Variants in TTC21B observed in about 807,000 individuals in gnomAD.
TTC21B encodes the protein tetratricopeptide repeat protein 21B.
A neutral mutation model predicts 175.1 loss-of-function variants in TTC21B; 127 were observed. That is an observed-to-expected ratio of 0.73 (90% confidence interval 0.63 to 0.84). TTC21B has a LOEUF of 0.84. Among genes scored for constraint, TTC21B ranks in the 40% least tolerant of loss-of-function variants. The pLI is 0.00. For synonymous variants in TTC21B, 524 were observed against 524.5 expected (o/e 1.00, Z 0.01); for missense variants, 1,561 against 1,558.3 (o/e 1.00, Z -0.03).
rs1449429300 is a variant in TTC21B at position 165,888,142 on chromosome 2, C to T, written c.3459+137G>A. 4 of 686,340 alleles carry T rather than the reference C, an allele frequency of 5.8e-6. No individual in the cohort carries two copies. The East Asian group carries it at 1.1e-4, about 19-fold the overall frequency. The allele number at this position is 686,340 out of a possible 1,614,324, so 42.5% of individuals were successfully genotyped here. On this transcript the variant is annotated intron_variant, in intron 25 of 28. Coordinates refer to ENST00000243344, the MANE Select transcript of TTC21B (RefSeq NM_024753.5). ...CGCCAAGAAGGGGACATTGTGTATG[C>T]CCAACTATATACCTAATTTTTAATA...
chr2:165,878,420 G>C (rs1027991191), intron 27 of TTC21B, among the ~76,000 whole-genome samples: 2 of 152,102 alleles, frequency 1.3e-5, no homozygotes, highest in Non-Finnish European at 2.9e-5. Flanking sequence ...TAGGTATGAA[G>C]GGTGAAACAT....
intron 18 of TTC21B, 150 bp from the exon 19 acceptor site, chr2:165,907,934 T>C: frequency 1.7e-6 from 1 of 573,566 alleles, no homozygotes. Context: ...GCCTGAAGAA[T>C]GGCCAAATTA....
intron 11 of TTC21B, among the ~76,000 whole-genome samples, chr2:165,927,458 A>G (rs1686722434): frequency 1.4e-5 from 2 of 147,254 alleles, no homozygotes; most frequent in Non-Finnish European, 3.0e-5. Flanking sequence ...CCATCACCCA[A>G]CCATGCTCTA....
At position 165,929,144 on chromosome 2, in the gene TTC21B, A is replaced by G; in HGVS notation, c.1377T>C (p.Cys459=). ...TCCCATAATTACTTACCTGCATTGG[A>G]CAGAAGCTCAGATACTCCATAACAA... ...LEIVMEYLSF[C]PMQPASPGQP... is the part of the protein sequence containing the mutation. Residue 459 remains cysteine, a synonymous_variant, in exon 11 of 29, where the codon TGT becomes TGC. Transcript: ENST00000243344. 1 of 1,612,688 alleles carries G rather than the reference A, an allele frequency of 6.2e-7. No homozygotes were observed. Among genetic ancestry groups the G allele is most frequent in the Non-Finnish European group, 8.5e-7 (1 of 1,179,072 alleles).
chr2:165,938,956 A>G (rs1687266735), intron 6 of TTC21B, among the ~76,000 whole-genome samples: 1 of 152,178 alleles, frequency 6.6e-6, no homozygotes, highest in South Asian at 2.1e-4. Context: ...GCTATTTTTA[A>G]TTTTTTATAT....
At chr2:165,935,123 G>T (rs562321820) in intron 6 of TTC21B, among the ~76,000 whole-genome samples, 1 of 152,304 alleles carries the variant, frequency 6.6e-6, no homozygotes, top group Non-Finnish European at 1.5e-5. Context: ...AGGACTGCAA[G>T]ATGGAAAGCG....
chr2:165,898,768 C>G lies in TTC21B; in HGVS notation c.2869-1G>C. The G allele has an allele frequency of 6.2e-7, 1 of 1,605,528 alleles. No homozygotes were observed. The highest frequency in any genetic ancestry group is 1.1e-5 in the South Asian group (1 of 90,928). Reference sequence around the variant, plus strand: ...TTCTGAACATGAGATCAGCCATCATCTATAAAGATAAAAGTTGGTTCTAAA... The same window carrying G: ...TTCTGAACATGAGATCAGCCATCATGTATAAAGATAAAAGTTGGTTCTAAA... On this transcript the variant is annotated splice_acceptor_variant, in intron 21 of 28. Transcript: ENST00000243344. LOFTEE classifies it high-confidence loss of function.
intron 7 of TTC21B, among the ~76,000 whole-genome samples, 190 bp from the exon 8 acceptor site, chr2:165,932,046 T>C (rs527575128): frequency 3.1e-4 from 47 of 152,290 alleles, no homozygotes; most frequent in African/African-American, 1.1e-3. Context: ...ACTCAATAAT[T>C]ATAAATGTGT....
chr2:165,950,775 TTTTTGTA>T (rs1280581137), intron 1 of TTC21B, among the ~76,000 whole-genome samples: 2 of 152,150 alleles, frequency 1.3e-5, no homozygotes, highest in Non-Finnish European at 2.9e-5. Context: ...ACCTGGCTAA[TTTTTGTA>T]TTTTTAAGTA....
intron 27 of TTC21B, among the ~76,000 whole-genome samples, chr2:165,876,524 T>C (rs1167584957): frequency 6.6e-6 from 1 of 152,158 alleles, no homozygotes; most frequent in Non-Finnish European, 1.5e-5. Flanking sequence ...TAGAAAAGTC[T>C]CATTTATTTC....
intron 16 of TTC21B, 72 bp from the exon 17 acceptor site, chr2:165,912,696 C>A: frequency 1.9e-6 from 2 of 1,047,456 alleles, no homozygotes; most frequent in Non-Finnish European, 3.0e-6. Context: ...GGCAACAGTT[C>A]TATAATTAAT....
In TTC21B at chr2:165,913,624, T is replaced by G. The variant is rs146637219; in HGVS notation, c.2161A>C (p.Asn721His). 2.2e-4 allele frequency: 351 copies of G among 1,613,014 alleles called. 1 individual carries two copies. The African/African-American group carries it at 4.2e-3, about 19-fold the overall frequency. ...CCAAGGAGAAGAAAAGACCGAGGGTTAGCCATTCTTTCAGCAATTTCTCTG... is the reference window on the plus strand; with the variant it reads ...CCAAGGAGAAGAAAAGACCGAGGGTGAGCCATTCTTTCAGCAATTTCTCTG... The part of the protein sequence containing the change: ...CFREIAERMA[N>H]PRSFLLLGDA... The change falls in exon 16 of 29, where the codon AAC becomes CAC. Residue 721 changes from asparagine to histidine, a missense_variant. Physicochemically the swap from Asn to His is moderately conservative, Grantham distance 68. Transcript: ENST00000243344.
At chr2:165,914,543 T>C (rs1275899449) in intron 15 of TTC21B, among the ~76,000 whole-genome samples, 1 of 152,108 alleles carries the variant, frequency 6.6e-6, no homozygotes, top group East Asian at 1.9e-4. Context: ...CAATACTGAA[T>C]TACTTCATCA....
intron 19 of TTC21B, among the ~76,000 whole-genome samples, chr2:165,906,955 CAA>C (rs1160627145): frequency 5.0e-3 from 302 of 60,248 alleles, no homozygotes; most frequent in Middle Eastern, 0.013. Flanking sequence ...AACTCCGTCT[CAA>C]AAAAAAAAAA....
intron 25 of TTC21B, 106 bp from the exon 26 acceptor site, chr2:165,884,124 T>G: frequency 3.4e-6 from 3 of 875,212 alleles, no homozygotes; most frequent in Admixed American, 2.0e-5. Context: ...TGGATTCTAT[T>G]TCTAGCTCCA....
At chr2:165,930,770 A>AGTGTGTGTGTGTGTG (rs1553514267) in intron 8 of TTC21B, among the ~76,000 whole-genome samples, 3 of 97,126 alleles carry the variant, frequency 3.1e-5, no homozygotes, top group Non-Finnish European at 5.5e-5. Context: ...TGTGTGTATA[A>AGTGTGTGTGTGTGTG]TATATGTATG....
intron 14 of TTC21B, 66 bp from the exon 15 acceptor site, chr2:165,915,505 A>C (rs1686135782): frequency 8.4e-7 from 1 of 1,187,342 alleles, no homozygotes. Context: ...AGAAAGGGAG[A>C]TTTTCTCATA....
At chr2:165,911,120 C>A (rs191966064) in intron 18 of TTC21B, among the ~76,000 whole-genome samples, 405 of 152,086 alleles carry the variant, frequency 2.7e-3, no homozygotes, top group Admixed American at 6.2e-3. Context: ...ATTTCTATAA[C>A]ACAATTAACT....
Position 165,915,391 on chromosome 2 carries a change from T to A in TTC21B, c.1948A>T (p.Thr650Ser), listed in dbSNP as rs1167857748. The A allele has an allele frequency of 6.2e-7, 1 of 1,614,102 alleles. No individual in the cohort carries two copies. The highest frequency in any genetic ancestry group is 1.1e-5 in the South Asian group (1 of 91,082). ...LQDAIHEFSG[T>S]SEEVRVTIAN... ...ATGGTAACCCGCACTTCTTCAGATG[T>A]TCCAGAAAATTCATGGATGGCATCT... The change falls in exon 15 of 29, where the codon ACA becomes TCA. Residue 650 changes from threonine (T) to serine (S), a missense_variant. Transcript: ENST00000243344.
Sources: gnomAD v4.1 joint callset for allele counts (sites outside exome capture counted in the v4.1 genomes callset) on GRCh38, gnomAD v4.1.1 for gene constraint, MANE v1.5 for transcripts, NCBI Gene and HGNC (gene_info 2026-07-23, HGNC 2026-07-21) for gene names.